PAXIP1: variants seen among roughly 807,000 people sequenced by gnomAD.
PAXIP1 encodes PAX interacting protein 1.
A neutral mutation model predicts 140.6 loss-of-function variants in PAXIP1; 19 were observed. The ratio of observed to expected loss-of-function variants is 0.14; its 90% confidence interval spans 0.09 to 0.20. PAXIP1 has a LOEUF of 0.20. PAXIP1 is among the 10% of genes least tolerant of loss of function. The pLI, the probability that PAXIP1 is intolerant of heterozygous loss-of-function variation, is 1.00. For missense variants in PAXIP1, 920 were observed against 1,208.6 expected (o/e 0.76, Z 3.54); for synonymous variants, 442 against 444.6 (o/e 0.99, Z 0.07).
At chr7:154,980,038 TG>T (rs1809771099) in intron 5 of PAXIP1, among the ~76,000 whole-genome samples, 1 of 152,194 alleles carries the variant, frequency 6.6e-6, no homozygotes, top group Non-Finnish European at 1.5e-5. Flanking sequence ...TCACAAAAGC[TG>T]GCTGGAAGGA....
At chr7:154,991,125 A>T in intron 3 of PAXIP1, 56 bp from the exon 4 acceptor site, 1 of 869,436 alleles carries the variant, frequency 1.2e-6, no homozygotes, top group Admixed American at 2.8e-5. Context: ...CCTGTACTTC[A>T]CTAACAGACA....
chr7:154,981,386 C>T (rs1169594349), intron 5 of PAXIP1, among the ~76,000 whole-genome samples: 22 of 152,164 alleles, frequency 1.4e-4, no homozygotes, highest in Admixed American at 1.4e-3. Context: ...AATAGTAGTT[C>T]ATTTTTCCCT....
At chr7:155,002,514 C>A (rs1240069826) in intron 1 of PAXIP1, among the ~76,000 whole-genome samples, 1 of 151,960 alleles carries the variant, frequency 6.6e-6, no homozygotes, top group Non-Finnish European at 1.5e-5. Context: ...GACGCGACCC[C>A]GCGCCCGTCC....
At chr7:154,949,504 T>G (rs1450791721) in intron 16 of PAXIP1, 2 of 152,168 alleles carry the variant, frequency 1.3e-5, no homozygotes, top group South Asian at 4.1e-4. Context: ...ACAAAAAAAG[T>G]ACTGTTACAC....
intron 1 of PAXIP1, among the ~76,000 whole-genome samples, chr7:154,999,902 T>TC (rs1810809472): frequency 6.6e-6 from 1 of 152,048 alleles, no homozygotes; most frequent in Non-Finnish European, 1.5e-5. Flanking sequence ...AACTGATACT[T>TC]CAGGGACAGG....
intron 6 of PAXIP1, chr7:154,974,064 TC>T (rs1221958791): frequency 6.6e-6 from 1 of 152,476 alleles, no homozygotes; most frequent in Non-Finnish European, 1.5e-5. Flanking sequence ...AGCCTTGTTT[TC>T]TCTGGTTCCA....
Position 155,002,962 on chromosome 7 carries a change from GCCCGGCCCCGCCCACCCCCCGC to G in PAXIP1, c.-55_-34del. 2 of 1,008,878 alleles carry G rather than the reference GCCCGGCCCCGCCCACCCCCCGC, an allele frequency of 2.0e-6. No individual in the cohort carries two copies. Among genetic ancestry groups the G allele is most frequent in the Non-Finnish European group, 2.5e-6 (2 of 816,272 alleles). The allele number at this position is 1,008,878 out of a possible 1,614,324, so 62.5% of individuals were successfully genotyped here. A position where few individuals can be genotyped will look rare whatever the true frequency, so the allele number is the denominator to read the frequency against. ...GCGGCCCGGGAGGCTCCGCGGCGGC[GCCCGGCCCCGCCCACCCCCCGC>G]CCCCGGCCCCCGCGGCGCCCGGCGC... On this transcript the variant is annotated 5_prime_UTR_variant, in exon 1 of 21. Coordinates refer to ENST00000404141, the MANE Select transcript of PAXIP1 (RefSeq NM_007349.4).
At chr7:154,977,431 C>T (rs558553512) in intron 5 of PAXIP1, among the ~76,000 whole-genome samples, 34 of 152,268 alleles carry the variant, frequency 2.2e-4, no homozygotes, top group African/African-American at 6.5e-4. Flanking sequence ...AAGAGTCACA[C>T]GCAATAGGGA....
chr7:154,968,033 C>T (rs538709600), intron 7 of PAXIP1, 123 bp from the exon 8 acceptor site: 8 of 635,692 alleles, frequency 1.3e-5, no homozygotes, highest in East Asian at 1.1e-4. Context: ...CATGACGTAT[C>T]TGCCAGTAAT....
intron 10 of PAXIP1, among the ~76,000 whole-genome samples, chr7:154,961,949 C>T (rs1224923928): frequency 6.6e-6 from 1 of 152,220 alleles, no homozygotes; most frequent in African/African-American, 2.4e-5. Flanking sequence ...TAACCACGAG[C>T]CAGCTCCTCC....
In PAXIP1 at chr7:154,962,470, A is replaced by G. The variant is rs1352183974; in HGVS notation, c.1990-12T>C. On this transcript the variant is annotated splice_polypyrimidine_tract_variant and intron_variant, in intron 9 of 20. Coordinates refer to ENST00000404141, the MANE Select transcript of PAXIP1 (RefSeq NM_007349.4). ...CTTTCTCTTATTGCCTGTCAAACAT[A>G]AAATTATAGGTTTGTTGTTTTTGTT... is the stretch of plus-strand genomic sequence containing the variant. The G allele has an allele frequency of 6.2e-7, 1 of 1,609,966 alleles. No homozygotes were observed. Among genetic ancestry groups the G allele is most frequent in the Non-Finnish European group, 8.5e-7 (1 of 1,177,488 alleles).
In PAXIP1 at chr7:154,998,699, T is replaced by C. The variant is rs1385419434; in HGVS notation, c.167A>G (p.Asn56Ser). ...ASHIISEDGD[N>S]PEVGEAREVF... ...TTCCCGAGCTTCTCCCACCTCTGGA[T>C]TGTCCCCATCCTCTGAGATTATGTG... The change falls in exon 2 of 21, where the codon AAT becomes AGT. Residue 56 changes from asparagine to serine, a missense_variant. This residue lies in a region of PAXIP1 where 419 missense variants were observed against 514.7 expected (regional missense o/e 0.81). Transcript: ENST00000404141. 20 of 1,613,484 alleles carry C rather than the reference T, an allele frequency of 1.2e-5. No homozygotes were observed. Among genetic ancestry groups the C allele is most frequent in the African/African-American group, 2.7e-5 (2 of 74,906 alleles).
intron 20 of PAXIP1, chr7:154,945,239 C>G (rs943668831): frequency 1.3e-5 from 2 of 152,216 alleles, no homozygotes; most frequent in Non-Finnish European, 1.5e-5. Flanking sequence ...CTGTCTTGGC[C>G]TCCCGTGCTG....
intron 13 of PAXIP1, among the ~76,000 whole-genome samples, chr7:154,958,122 G>C (rs949054583): frequency 6.6e-6 from 1 of 152,082 alleles, no homozygotes; most frequent in Non-Finnish European, 1.5e-5. Context: ...CCAACAGCCA[G>C]ACAAGGTACC....
chr7:154,996,513 A>C (rs1201071473), intron 2 of PAXIP1, among the ~76,000 whole-genome samples: 3 of 152,188 alleles, frequency 2.0e-5, no homozygotes, highest in African/African-American at 7.2e-5. Flanking sequence ...CTTTCCCAGG[A>C]ATATGAATAC....
At chr7:154,975,267 C>G (rs1809518407) in intron 6 of PAXIP1, among the ~76,000 whole-genome samples, 1 of 152,046 alleles carries the variant, frequency 6.6e-6, no homozygotes. Flanking sequence ...TGAAATCAAG[C>G]CTTCCTCAAC....
chr7:154,999,782 A>G (rs1810802204), intron 1 of PAXIP1, among the ~76,000 whole-genome samples: 1 of 152,174 alleles, frequency 6.6e-6, no homozygotes, highest in Non-Finnish European at 1.5e-5. Context: ...AAAGATGTGG[A>G]TCTCCCTGAC....
At chr7:154,982,031 A>G (rs943710924) in intron 5 of PAXIP1, among the ~76,000 whole-genome samples, 1 of 152,208 alleles carries the variant, frequency 6.6e-6, no homozygotes, top group Non-Finnish European at 1.5e-5. Context: ...GTCATTCTAA[A>G]TCAGTGAAAA....
chr7:154,964,051 G>A (rs1482051889), intron 8 of PAXIP1: 9 of 366,866 alleles, frequency 2.5e-5, no homozygotes, highest in Non-Finnish European at 4.7e-5. Context: ...CTGCCACTCT[G>A]GACCAGGGAG....
Sources: gnomAD v4.1 joint callset for allele counts (sites outside exome capture counted in the v4.1 genomes callset) on GRCh38, gnomAD v4.1.1 for gene constraint, gnomAD v4.1.1 regional missense constraint, MANE v1.5 for transcripts, NCBI Gene and HGNC (gene_info 2026-07-23, HGNC 2026-07-21) for gene names.